CACNA1I: variants seen among roughly 807,000 people sequenced by gnomAD.
CACNA1I encodes the protein voltage-dependent T-type calcium channel subunit alpha-1I.
A neutral mutation model predicts 201.6 loss-of-function variants in CACNA1I; 74 were observed. The ratio of observed to expected loss-of-function variants is 0.37; its 90% CI spans 0.30 to 0.45. CACNA1I has a LOEUF of 0.45. CACNA1I is among the 20% of genes least tolerant of loss of function. The probability of loss-of-function intolerance (pLI) is 1.00; values close to 1 mark genes in which losing one functional copy is unlikely to be tolerated. For missense variants in CACNA1I, 2,346 were observed against 3,138.1 expected (o/e 0.75, Z 6.03); for synonymous variants, 1,431 against 1,345.2 (o/e 1.06, Z -1.40).
At chr22:39,593,431 G>GT (rs1569051958) in intron 1 of CACNA1I, among the ~76,000 whole-genome samples, 1 of 152,188 alleles carries the variant, frequency 6.6e-6, no homozygotes, top group Non-Finnish European at 1.5e-5. Flanking sequence ...CCACCACCTT[G>GT]TGAGGGGCAA....
chr22:39,641,026 C>T lies in CACNA1I; in HGVS notation c.900C>T (p.Val300=). The change falls in exon 6 of 37, where the codon GTC becomes GTT. Residue 300 remains valine, a synonymous_variant. Transcript: ENST00000402142. ...GRECCLSKDD[V]YDFGAGRQDL... ...AGTGCTGCCTGTCCAAGGACGACGT[C>T]TACGACTTTGGGGCGGGGCGCCAGG... 4 of 1,614,066 alleles carry T rather than the reference C, an allele frequency of 2.5e-6. No individual in the cohort carries two copies. The highest frequency in any genetic ancestry group is 3.4e-6 in the Non-Finnish European group (4 of 1,179,908).
intron 3 of CACNA1I, among the ~76,000 whole-genome samples, chr22:39,603,060 G>A (rs1933114409): frequency 6.6e-6 from 1 of 151,968 alleles, no homozygotes; most frequent in African/African-American, 2.4e-5. Flanking sequence ...GCTGAGGCTG[G>A]AGGCTGGGCT....
intron 33 of CACNA1I, among the ~76,000 whole-genome samples, chr22:39,680,242 C>G (rs1935662293): frequency 6.6e-6 from 1 of 152,198 alleles, no homozygotes; most frequent in Admixed American, 6.5e-5. Context: ...CATCCTGGCA[C>G]TCAACCTCCT....
chr22:39,571,133 G>A (rs769216463), intron 1 of CACNA1I, 145 bp downstream of exon 1: 4 of 704,208 alleles, frequency 5.7e-6, no homozygotes, highest in Non-Finnish European at 1.0e-5. Context: ...TGGTGAGCGA[G>A]CTCAGAGGGT....
Position 39,634,623 on chromosome 22 carries a change from G to C in CACNA1I, c.639G>C (p.Leu213=). ...CACTGCCCATGCTGGGGAATGTCCT[G>C]CTGCTCTGCTTCTTTGTCTTCTTCA... is the stretch of plus-strand genomic sequence containing the variant. ...LDTLPMLGNV[L]LLCFFVFFIF... Residue 213 remains leucine (L), a synonymous_variant, in exon 5 of 37, where the codon CTG becomes CTC. Transcript: ENST00000402142. The C allele has an allele frequency of 6.2e-7, 1 of 1,613,962 alleles. No homozygotes were observed. The highest frequency in any genetic ancestry group is 8.5e-7 in the Non-Finnish European group (1 of 1,179,880).
At chr22:39,654,619 AT>A (rs1569082794) in intron 10 of CACNA1I, among the ~76,000 whole-genome samples, 1 of 152,190 alleles carries the variant, frequency 6.6e-6, no homozygotes, top group Admixed American at 6.5e-5. Flanking sequence ...GAAGTGAAGA[AT>A]GGGGTGGCTT....
chr22:39,663,711 T>G lies in CACNA1I; in HGVS notation c.3474-7T>G. 1 of 750,088 alleles carries G rather than the reference T, an allele frequency of 1.3e-6. No homozygotes were observed. The allele number at this position is 750,088 out of a possible 1,614,324, so 46.5% of individuals were successfully genotyped here. On this transcript the variant is annotated splice_polypyrimidine_tract_variant and splice_region_variant and intron_variant, in intron 18 of 36. Coordinates refer to ENST00000402142, the MANE Select transcript of CACNA1I (RefSeq NM_021096.4). ...ACGCTCAGGCAGCCCCCGCCCACCC[T>G]GCCCAGGTTCCGGGTCCTGTGTCAG...
rs1257642383 is a variant in CACNA1I at position 39,687,370 on chromosome 22, C to A, written c.*965C>A. 6.6e-6 allele frequency: 1 copy of A among 152,260 alleles called. No homozygotes were observed. Among genetic ancestry groups the A allele is most frequent in the African/African-American group, 2.4e-5 (1 of 41,428 alleles). The allele number at this position is 152,260 out of a possible 1,614,324, so 9.4% of individuals were successfully genotyped here. A position where few individuals can be genotyped will look rare whatever the true frequency, so the allele number is the denominator to read the frequency against. On this transcript the variant is annotated 3_prime_UTR_variant, in exon 37 of 37. Coordinates refer to ENST00000402142, the MANE Select transcript of CACNA1I (RefSeq NM_021096.4). ...CCCGCCTGGTCTCGGCTGGCTCCAGCTGCCCTGCAGGTGCCCCTGGGCTCA... is the reference window on the plus strand; with the variant it reads ...CCCGCCTGGTCTCGGCTGGCTCCAGATGCCCTGCAGGTGCCCCTGGGCTCA...
At position 39,649,621 on chromosome 22, in the gene CACNA1I, G is replaced by A. The variant is rs780635482; in HGVS notation, c.1688G>A (p.Arg563Gln). Residue 563 changes from arginine (R) to glutamine (Q), a missense_variant, in exon 10 of 37, where the codon CGG becomes CAG. Arg to Gln is a conservative substitution (Grantham distance 43). This residue lies in a region of CACNA1I where 312 missense variants were observed against 331.5 expected (regional missense o/e 0.94). Coordinates refer to ENST00000402142, the MANE Select transcript of CACNA1I (RefSeq NM_021096.4). This position sits in a 1 kb window ranked among gnomAD's most constrained non-coding sequence, Gnocchi z 7.3. ...TGCTGCCAGCATGAGGACGGCCGGC[G>A]GCCCTCGGGCCTGGGCAGCACCGAC... Reference protein sequence around the residue: ...CPCCQHEDGRRPSGLGSTDSG... With the variant: ...CPCCQHEDGRQPSGLGSTDSG... The A allele has an allele frequency of 1.9e-5, 29 of 1,532,182 alleles. No homozygotes were observed. Among genetic ancestry groups the A allele is most frequent in the African/African-American group, 1.2e-4 (9 of 72,682 alleles). The allele number at this position is 1,532,182 out of a possible 1,614,324, so 94.9% of individuals were successfully genotyped here. A position where few individuals can be genotyped will look rare whatever the true frequency, so the allele number is the denominator to read the frequency against.
At chr22:39,590,424 A>G (rs556553094) in intron 1 of CACNA1I, among the ~76,000 whole-genome samples, 1 of 152,164 alleles carries the variant, frequency 6.6e-6, no homozygotes, top group South Asian at 2.1e-4. Context: ...ACTGCATACA[A>G]CACAGGCCTG....
chr22:39,661,504 A>G (rs1208117158), intron 16 of CACNA1I, among the ~76,000 whole-genome samples, 194 bp downstream of exon 16: 3 of 152,226 alleles, frequency 2.0e-5, no homozygotes, highest in Non-Finnish European at 4.4e-5. Context: ...ATGAAGGCCT[A>G]GTGCCAGTGG....
rs1555912582 is a variant in CACNA1I at position 39,677,292 on chromosome 22, G to A, written c.4855-49G>A. 7.6e-6 allele frequency: 10 copies of A among 1,320,702 alleles called. No homozygotes were observed. Among genetic ancestry groups the A allele is most frequent in the Admixed American group, 2.0e-5 (1 of 50,902 alleles). 81.8% of individuals were successfully genotyped at this position (1,320,702 alleles called of 1,614,324 possible). On this transcript the variant is annotated intron_variant, in intron 29 of 36. Transcript: ENST00000402142. This position sits in a 1 kb window ranked among gnomAD's most constrained non-coding sequence, Gnocchi z 4.8. ...CCTCCACCCTTCCCAGGCCTGGTGCGCCCCCACCCGCTCCCCAGCCCCACC... is the reference window on the plus strand; with the variant it reads ...CCTCCACCCTTCCCAGGCCTGGTGCACCCCCACCCGCTCCCCAGCCCCACC...
chr22:39,598,361 G>T (rs535109658), intron 2 of CACNA1I, 99 bp downstream of exon 2: 47 of 612,492 alleles, frequency 7.7e-5, no homozygotes, highest in Admixed American at 7.2e-4. Flanking sequence ...TCCTGGCCTT[G>T]CCCCGCCCAC....
intron 1 of CACNA1I, among the ~76,000 whole-genome samples, chr22:39,582,314 G>A (rs560838667): frequency 8.5e-5 from 13 of 152,114 alleles, no homozygotes; most frequent in Non-Finnish European, 1.5e-4. Flanking sequence ...TTCAATCGGG[G>A]TGACTTTGCC....
chr22:39,595,124 C>T (rs1932865582), intron 1 of CACNA1I, among the ~76,000 whole-genome samples: 2 of 151,180 alleles, frequency 1.3e-5, no homozygotes, highest in Admixed American at 1.3e-4. Context: ...CCTATCTCTA[C>T]TAAAATACAA....
intron 20 of CACNA1I, among the ~76,000 whole-genome samples, 178 bp from the exon 21 acceptor site, chr22:39,664,561 G>A (rs951414736): frequency 1.1e-4 from 17 of 151,574 alleles, no homozygotes; most frequent in African/African-American, 4.1e-4. Flanking sequence ...CCCATCAACC[G>A]CCCTCAGAGG....
chr22:39,606,795 G>A lies in CACNA1I; in HGVS notation c.482+6142G>A, dbSNP rs559991324. ...GATCCACCCTCCTCGGCCTCCCGAA[G>A]TGCTGGGATTACAGGCATGAGTCAC... On this transcript the variant is annotated intron_variant, in intron 3 of 36. Coordinates refer to ENST00000402142, the MANE Select transcript of CACNA1I (RefSeq NM_021096.4). 1.6e-4 allele frequency among the ~76,000 whole-genome samples: 25 copies of A among 152,340 alleles called. 3 individuals are homozygous for A. In the South Asian group the frequency reaches 5.0e-3, roughly 30 times the overall value.
At chr22:39,660,510 G>C (rs1345120780) in intron 15 of CACNA1I, 73 bp downstream of exon 15, 3 of 998,506 alleles carry the variant, frequency 3.0e-6, no homozygotes, top group Non-Finnish European at 4.5e-6. Flanking sequence ...AGAGGGTACA[G>C]CGTCTGACTC....
chr22:39,636,943 G>T (rs919773472), intron 5 of CACNA1I, among the ~76,000 whole-genome samples: 1 of 152,224 alleles, frequency 6.6e-6, no homozygotes, highest in Non-Finnish European at 1.5e-5. Context: ...GAAAGCCTCA[G>T]CCCAACCTGT....
Sources: allele counts gnomAD v4.1 joint callset (sites outside exome capture counted in the v4.1 genomes callset), GRCh38; gene constraint gnomAD v4.1.1; regional missense constraint gnomAD v4.1.1; non-coding constraint Gnocchi (gnomAD v3.1); transcripts MANE v1.5; gene names NCBI Gene and HGNC (gene_info 2026-07-23, HGNC 2026-07-21).